The following SLC39A11 variants were observed in gnomAD, a reference collection of about 807,000 sequenced individuals.
SLC39A11 encodes the protein zinc transporter ZIP11.
Under a neutral mutation model 36.1 loss-of-function variants are expected in SLC39A11, and 33 were observed. The ratio of observed to expected loss-of-function variants is 0.91; its 90% confidence interval spans 0.69 to 1.22. The LOEUF (loss-of-function observed/expected upper bound fraction) is 1.22, where lower values mean the gene tolerates loss of function less well. SLC39A11 is among the 50% of genes most tolerant of loss of function. The probability of loss-of-function intolerance (pLI) is 0.00; values close to 1 mark genes in which losing one functional copy is unlikely to be tolerated. For missense variants in SLC39A11, 432 were observed against 430.3 expected (o/e 1.00, Z -0.03); for synonymous variants, 166 against 170.3 (o/e 0.97, Z 0.20).
chr17:73,050,869 T>C (rs944719277), intron 3 of SLC39A11, among the ~76,000 whole-genome samples: 7 of 152,170 alleles, frequency 4.6e-5, no homozygotes, highest in African/African-American at 1.7e-4. Flanking sequence ...TTGAGGGGCA[T>C]GGACCAGTGT....
chr17:72,743,133 T>C (rs576617256), intron 6 of SLC39A11, among the ~76,000 whole-genome samples: 11 of 152,278 alleles, frequency 7.2e-5, no homozygotes, highest in East Asian at 5.8e-4. Context: ...CTTTGGGAGA[T>C]TGGGGAAGGG....
Position 73,021,326 on chromosome 17 carries a change from C to T in SLC39A11, c.306+10230G>A, listed in dbSNP as rs1340408040. 2.0e-5 allele frequency among the ~76,000 whole-genome samples: 3 copies of T among 152,038 alleles called. No individual in the cohort carries two copies. In the South Asian group the frequency reaches 6.3e-4, roughly 32 times the overall value. On this transcript the variant is annotated intron_variant, in intron 4 of 9. Transcript: ENST00000255559. ...GTGAAGATTAGATGCATACTCAGTT[C>T]CCTTACTCTTTCTTTCTTTCTTTTT...
intron 4 of SLC39A11, among the ~76,000 whole-genome samples, chr17:72,964,483 T>C (rs777682765): frequency 6.6e-6 from 1 of 151,968 alleles, no homozygotes; most frequent in Non-Finnish European, 1.5e-5. Context: ...AAAACTATTA[T>C]CAGCAATATC....
At chr17:72,802,037 C>T (rs1007074410) in intron 6 of SLC39A11, among the ~76,000 whole-genome samples, 4 of 152,190 alleles carry the variant, frequency 2.6e-5, no homozygotes, top group Admixed American at 2.6e-4. Flanking sequence ...CAAGGTAAGA[C>T]ATTCCCTGGC....
At chr17:72,937,309 G>T (rs1347710643) in intron 5 of SLC39A11, among the ~76,000 whole-genome samples, 1 of 152,062 alleles carries the variant, frequency 6.6e-6, no homozygotes, top group Non-Finnish European at 1.5e-5. Context: ...ACAAAAATTA[G>T]CTGGGCATGG....
At chr17:73,038,130 A>G (rs887999880) in intron 3 of SLC39A11, among the ~76,000 whole-genome samples, 1 of 152,214 alleles carries the variant, frequency 6.6e-6, no homozygotes, top group Non-Finnish European at 1.5e-5. Context: ...AGGCTGAGAC[A>G]TGAGAATCAC....
At chr17:73,080,923 C>T (rs1393320237) in intron 3 of SLC39A11, among the ~76,000 whole-genome samples, 5 of 150,876 alleles carry the variant, frequency 3.3e-5, no homozygotes, top group South Asian at 2.1e-4. Flanking sequence ...CCAGCCTGGG[C>T]GACAGAGTGA....
At position 72,647,348 on chromosome 17, in the gene SLC39A11, G is replaced by C. The variant is rs2069602540; in HGVS notation, c.*236C>G. On this transcript the variant is annotated 3_prime_UTR_variant, in exon 10 of 10. Transcript: ENST00000255559. The stretch of plus-strand genomic sequence containing the variant: ...CACTGAAGAGAGAGTCCATTCAGTG[G>C]CCAAAACAAAGAATCTGTATTTCCA... The C allele has an allele frequency of 1.4e-5, 5 of 359,956 alleles. No individual in the cohort carries two copies. Among genetic ancestry groups the C allele is most frequent in the Non-Finnish European group, 2.0e-5 (4 of 197,116 alleles). The allele number at this position is 359,956 out of a possible 1,614,324, so 22.3% of individuals were successfully genotyped here.
At chr17:72,905,603 A>G (rs1201878113) in intron 5 of SLC39A11, among the ~76,000 whole-genome samples, 1 of 151,788 alleles carries the variant, frequency 6.6e-6, no homozygotes, top group South Asian at 2.1e-4. Context: ...TCTCTAAAAA[A>G]AAAAAGAAGA....
intron 5 of SLC39A11, among the ~76,000 whole-genome samples, chr17:72,937,131 C>T (rs2084820554): frequency 6.6e-6 from 1 of 152,208 alleles, no homozygotes; most frequent in South Asian, 2.1e-4. Flanking sequence ...TTTGCTCATC[C>T]TCATACCTTG....
chr17:72,889,231 A>T lies in SLC39A11; in HGVS notation c.431-39427T>A, dbSNP rs185456097. ...TAAAATATTATATAAAATATATTAC[A>T]TGGCCAGATGCAGTGGCTCACGCCT... On this transcript the variant is annotated intron_variant, in intron 5 of 9. Transcript: ENST00000255559. Among the ~76,000 whole-genome samples, 1,011 of 152,252 alleles carry T rather than the reference A, an allele frequency of 6.6e-3. 3 individuals are homozygous for T. The highest frequency in any genetic ancestry group is 0.011 in the Non-Finnish European group (759 of 67,990).
At chr17:72,740,718 C>T (rs564689423) in intron 6 of SLC39A11, among the ~76,000 whole-genome samples, 1 of 152,306 alleles carries the variant, frequency 6.6e-6, no homozygotes, top group South Asian at 2.1e-4. Context: ...CAATTCACTG[C>T]AGAGATGAAC....
At chr17:72,736,846 A>G in intron 6 of SLC39A11, 127 bp from the exon 7 acceptor site, 1 of 801,410 alleles carries the variant, frequency 1.2e-6, no homozygotes. Flanking sequence ...TCGTAACAGC[A>G]GCTTAAACCC....
At position 72,796,596 on chromosome 17, in the gene SLC39A11, A is replaced by G. The variant is rs904170930; in HGVS notation, c.601+53038T>C. On this transcript the variant is annotated intron_variant, in intron 6 of 9. Transcript: ENST00000255559. The stretch of plus-strand genomic sequence containing the variant: ...CAGAGGGGAAAGGGAAGACAGAATC[A>G]TGAGCAGAAAGCACGTTTCAACAGG... Among the ~76,000 whole-genome samples, 16 of 152,272 alleles carry G rather than the reference A, an allele frequency of 1.1e-4. 1 individual carries two copies. The highest frequency in any genetic ancestry group is 3.4e-4 in the African/African-American group (14 of 41,502).
chr17:72,728,801 G>A lies in SLC39A11; in HGVS notation c.671+7849C>T, dbSNP rs1275261130. On this transcript the variant is annotated intron_variant, in intron 7 of 9. Coordinates refer to ENST00000255559, the MANE Select transcript of SLC39A11 (RefSeq NM_139177.4). ...GCTTTCCCCAATCTGTGTAAATGGAGTCCTTCTTCCCTCTCAGTTCACTCC... is the reference window on the plus strand; with the variant it reads ...GCTTTCCCCAATCTGTGTAAATGGAATCCTTCTTCCCTCTCAGTTCACTCC... Among the ~76,000 whole-genome samples the A allele has an allele frequency of 2.6e-5, 4 of 152,200 alleles. No homozygotes were observed. The East Asian group carries it at 5.8e-4, about 22-fold the overall frequency.
At chr17:72,752,882 G>C (rs1398592345) in intron 6 of SLC39A11, among the ~76,000 whole-genome samples, 2 of 152,012 alleles carry the variant, frequency 1.3e-5, no homozygotes, top group African/African-American at 4.8e-5. Context: ...TTTGAGATAG[G>C]TCTCACTCTG....
At position 72,959,832 on chromosome 17, in the gene SLC39A11, G is replaced by A. The variant is rs533082416; in HGVS notation, c.307-11957C>T. Reference sequence around the variant, plus strand: ...TCTGTGCCTCCAGTGGTCAAAGTAGGAGCCAAGAGTCCATGTGTACCTCTG... The same window carrying A: ...TCTGTGCCTCCAGTGGTCAAAGTAGAAGCCAAGAGTCCATGTGTACCTCTG... On this transcript the variant is annotated intron_variant, in intron 4 of 9. Transcript: ENST00000255559. 9.2e-5 allele frequency among the ~76,000 whole-genome samples: 14 copies of A among 152,210 alleles called. No individual in the cohort carries two copies. In the East Asian group the frequency reaches 2.7e-3, roughly 29 times the overall value.
chr17:72,809,560 T>G (rs1184117328), intron 6 of SLC39A11, among the ~76,000 whole-genome samples: 2 of 152,200 alleles, frequency 1.3e-5, no homozygotes, highest in Non-Finnish European at 2.9e-5. Context: ...CATTTCTGCA[T>G]CCATGGTTCA....
chr17:72,861,688 T>TATATAAAA (rs1169877556), intron 5 of SLC39A11, among the ~76,000 whole-genome samples: 7 of 88,800 alleles, frequency 7.9e-5, no homozygotes, highest in Non-Finnish European at 1.6e-4. Flanking sequence ...TATATATATA[T>TATATAAAA]AAAATATATA....
Sources: allele counts gnomAD v4.1 joint callset (sites outside exome capture counted in the v4.1 genomes callset), GRCh38; gene constraint gnomAD v4.1.1; transcripts MANE v1.5; gene names NCBI Gene and HGNC (gene_info 2026-07-23, HGNC 2026-07-21).